The following ERICH3 variants were observed in gnomAD, a reference collection of about 807,000 sequenced individuals.
ERICH3 encodes the protein glutamate rich 3, also known as glutamate-rich protein 3.
ERICH3 carries 126 observed loss-of-function variants against 131.1 expected under a neutral mutation model. The ratio of observed to expected loss-of-function variants is 0.96; its 90% CI spans 0.83 to 1.11. The LOEUF (loss-of-function observed/expected upper bound fraction) is 1.11. Ranked by LOEUF, ERICH3 falls within the 50% of genes most tolerant of loss-of-function variation. The probability of loss-of-function intolerance (pLI) is 0.00; values close to 1 mark genes in which losing one functional copy is unlikely to be tolerated. For synonymous variants in ERICH3, 695 were observed against 644.6 expected (o/e 1.08, Z -1.18); for missense variants, 2,050 against 1,810.7 (o/e 1.13, Z -2.40).
rs142814195 is a variant in ERICH3 at position 74,629,781 on chromosome 1, C to T, written c.819+1932G>A. 2.4e-3 allele frequency among the ~76,000 whole-genome samples: 370 copies of T among 152,246 alleles called. 6 individuals carry two copies. The highest frequency in any genetic ancestry group is 7.4e-4 in the Non-Finnish European group (50 of 68,018). The stretch of plus-strand genomic sequence containing the variant: ...AGATTCTATTCAGCTTATTTTCTTC[C>T]GGAAATAGCGTCCTTTCATTACAAT... On this transcript the variant is annotated intron_variant, in intron 7 of 14. Coordinates refer to ENST00000326665, the MANE Select transcript of ERICH3 (RefSeq NM_001002912.5).
intron 13 of ERICH3, 115 bp from the exon 14 acceptor site, chr1:74,573,606 A>G (rs1292931605): frequency 1.6e-6 from 2 of 1,212,836 alleles, no homozygotes; most frequent in East Asian, 6.0e-5. Flanking sequence ...TGTGATATCA[A>G]GAGGCCATTG....
intron 1 of ERICH3, among the ~76,000 whole-genome samples, chr1:74,651,520 T>C (rs544802006): frequency 2.3e-4 from 35 of 152,222 alleles, no homozygotes; most frequent in Admixed American, 2.2e-3. Flanking sequence ...CTCCAAAAGG[T>C]CAACATTGTA....
At chr1:74,623,754 A>G (rs1294527148) in intron 7 of ERICH3, 1 of 152,156 alleles carries the variant, frequency 6.6e-6, no homozygotes, top group African/African-American at 2.4e-5. Flanking sequence ...AAAGCCCTCC[A>G]GTGATTCCCA....
intron 13 of ERICH3, among the ~76,000 whole-genome samples, chr1:74,575,692 G>A (rs1302443364): frequency 6.6e-6 from 1 of 152,116 alleles, no homozygotes; most frequent in South Asian, 2.1e-4. Flanking sequence ...TTCTAATCTG[G>A]TTTCTAAATT....
At chr1:74,651,267 G>A (rs573467422) in intron 1 of ERICH3, among the ~76,000 whole-genome samples, 2 of 152,112 alleles carry the variant, frequency 1.3e-5, no homozygotes, top group East Asian at 1.9e-4. Context: ...CAAACAGTAA[G>A]AAAAGTTTAA....
At chr1:74,600,409 C>G (rs1450388229) in intron 10 of ERICH3, among the ~76,000 whole-genome samples, 1 of 151,430 alleles carries the variant, frequency 6.6e-6, no homozygotes, top group Non-Finnish European at 1.5e-5. Context: ...GTCCAAGAGC[C>G]CTGAGAAGTA....
At chr1:74,657,560 T>C (rs964606623) in intron 1 of ERICH3, among the ~76,000 whole-genome samples, 2 of 152,176 alleles carry the variant, frequency 1.3e-5, no homozygotes, top group Non-Finnish European at 2.9e-5. Context: ...ATGCTAAATA[T>C]TGATTTACAA....
chr1:74,620,728 G>C lies in ERICH3; in HGVS notation c.1000+6C>G, dbSNP rs41289218. The C allele has an allele frequency of 0.13, 201,123 of 1,586,966 alleles. 15,023 individuals carry two copies. Among genetic ancestry groups the C allele is most frequent in the East Asian group, 0.27 (11,945 of 43,974 alleles). ...CAATTAAAAAACATTCACATTTTAT[G>C]TGTACCTTTTTCAAGTAGTTTGCCT... On this transcript the variant is annotated splice_donor_region_variant and intron_variant, in intron 8 of 14. Transcript: ENST00000326665.
intron 3 of ERICH3, among the ~76,000 whole-genome samples, chr1:74,645,862 G>A (rs1009330846): frequency 3.9e-5 from 6 of 152,000 alleles, no homozygotes; most frequent in Admixed American, 2.0e-4. Context: ...CTTCATATTG[G>A]TTTACTGATG....
intron 7 of ERICH3, chr1:74,621,717 T>C (rs928508288): frequency 1.3e-5 from 2 of 152,216 alleles, no homozygotes; most frequent in Non-Finnish European, 2.9e-5. Context: ...CATTGACTCC[T>C]AATTAATTGT....
At position 74,673,559 on chromosome 1, in the gene ERICH3, G is replaced by C; in HGVS notation, c.-40C>G. On this transcript the variant is annotated 5_prime_UTR_variant, in exon 1 of 15. Transcript: ENST00000326665. ...TTTTGGACCCCGCGGCAGGTGCGGA[G>C]GGTGGGTGCGTGGGGCCCCGTGCGC... The C allele has an allele frequency of 6.2e-7, 1 of 1,605,938 alleles. No homozygotes were observed. Among genetic ancestry groups the C allele is most frequent in the East Asian group, 2.3e-5 (1 of 43,786 alleles).
rs550876452 is a variant in ERICH3 at position 74,673,789 on chromosome 1, T to C, written c.-270A>G. On this transcript the variant is annotated 5_prime_UTR_variant, in exon 1 of 15. Coordinates refer to ENST00000326665, the MANE Select transcript of ERICH3 (RefSeq NM_001002912.5). Reference sequence around the variant, plus strand: ...CCAGGGTCTGGAGAAGCGGAGGCGCTACTGGAACCGAGCCTGCGGAAGCTG... The same window carrying C: ...CCAGGGTCTGGAGAAGCGGAGGCGCCACTGGAACCGAGCCTGCGGAAGCTG... 6.0e-4 allele frequency: 226 copies of C among 375,572 alleles called. 7 individuals carry two copies. The South Asian group carries it at 0.02, about 34-fold the overall frequency. The allele number at this position is 375,572 out of a possible 1,614,324, so 23.3% of individuals were successfully genotyped here.
At position 74,673,650 on chromosome 1, in the gene ERICH3, T is replaced by G. The variant is rs1646762796; in HGVS notation, c.-131A>C. ...CCGAGGTCCCCTGTGCGCGGGCACC[T>G]GGGCTGGGCCGCCGCCGCCCCTGGG... On this transcript the variant is annotated 5_prime_UTR_variant, in exon 1 of 15. Transcript: ENST00000326665. 3.1e-6 allele frequency: 3 copies of G among 953,176 alleles called. No individual in the cohort carries two copies. Among genetic ancestry groups the G allele is most frequent in the South Asian group, 2.9e-5 (1 of 34,734 alleles). The allele number at this position is 953,176 out of a possible 1,614,324, so 59.0% of individuals were successfully genotyped here.
At chr1:74,669,820 G>A (rs1236262740) in intron 1 of ERICH3, among the ~76,000 whole-genome samples, 1 of 152,224 alleles carries the variant, frequency 6.6e-6, no homozygotes, top group Admixed American at 6.5e-5. Flanking sequence ...ATCAAAGGAA[G>A]CACTAAGAGA....
chr1:74,629,508 G>A (rs1281446683), intron 7 of ERICH3, among the ~76,000 whole-genome samples: 1 of 152,112 alleles, frequency 6.6e-6, no homozygotes, highest in Non-Finnish European at 1.5e-5. Context: ...AGAATCCCAG[G>A]GGAACCTGGC....
chr1:74,606,869 C>T lies in ERICH3; in HGVS notation c.1221G>A (p.Pro407=), dbSNP rs539368276. The change falls in exon 10 of 15, where the codon CCG becomes CCA. Residue 407 remains proline, a synonymous_variant. Transcript: ENST00000326665. The part of the protein sequence containing the change: ...CIIAMGLDKK[P]SLPKSRKEKS... ...TTTCTTTCCTAGATTTCGGCAAAGA[C>T]GGTTTTTTGTCAAGGCCCATTGCAA... 179 of 1,612,012 alleles carry T rather than the reference C, an allele frequency of 1.1e-4. 1 individual carries two copies. Among genetic ancestry groups the T allele is most frequent in the South Asian group, 1.3e-4 (12 of 90,782 alleles).
chr1:74,661,878 C>T (rs917829648), intron 1 of ERICH3, among the ~76,000 whole-genome samples: 3 of 152,154 alleles, frequency 2.0e-5, no homozygotes, highest in Non-Finnish European at 2.9e-5. Context: ...AAATCCTCTT[C>T]GGAAATAGCA....
At chr1:74,614,395 C>T (rs533273344) in intron 8 of ERICH3, among the ~76,000 whole-genome samples, 46 of 148,666 alleles carry the variant, frequency 3.1e-4, no homozygotes, top group Non-Finnish European at 6.1e-4. Context: ...AAAAACTCGG[C>T]CGGGCACGGT....
Position 74,630,009 on chromosome 1 carries a change from T to C in ERICH3, c.819+1704A>G, listed in dbSNP as rs552682703. Among the ~76,000 whole-genome samples, 93 of 152,270 alleles carry C rather than the reference T, an allele frequency of 6.1e-4. 1 individual carries two copies. Among genetic ancestry groups the C allele is most frequent in the Middle Eastern group, 3.4e-3 (1 of 294 alleles). ...AGTGAGTGCATGGTGCTTGCTTGGT[T>C]ATTGTTGTTGAACTTGTACATATAG... On this transcript the variant is annotated intron_variant, in intron 7 of 14. Coordinates refer to ENST00000326665, the MANE Select transcript of ERICH3 (RefSeq NM_001002912.5).
Sources: gnomAD v4.1 joint callset for allele counts (sites outside exome capture counted in the v4.1 genomes callset) on GRCh38, gnomAD v4.1.1 for gene constraint, MANE v1.5 for transcripts, NCBI Gene and HGNC (gene_info 2026-07-23, HGNC 2026-07-21) for gene names.